The following C16orf74 variants were observed in gnomAD, a reference collection of about 807,000 sequenced individuals.
C16orf74 encodes calcimembrin.
Under a neutral mutation model 6.5 loss-of-function variants are expected in C16orf74, and 10 were observed. The observed-to-expected ratio is 1.54, with a 90% CI of 0.95 to 2.61. The LOEUF (loss-of-function observed/expected upper bound fraction) is 2.61. C16orf74 is among the 30% of genes most tolerant of loss of function. The pLI is 0.00. For synonymous variants in C16orf74, 60 were observed against 42.5 expected (o/e 1.41, Z -1.60); for missense variants, 141 against 105.9 (o/e 1.33, Z -1.45).
intron 2 of C16orf74, among the ~76,000 whole-genome samples, chr16:85,712,830 A>G (rs1201894062): frequency 6.6e-6 from 1 of 152,176 alleles, no homozygotes; most frequent in Admixed American, 6.5e-5. Context: ...CCCTTGGAAT[A>G]TCTTGCCTGA....
intron 1 of C16orf74, among the ~76,000 whole-genome samples, chr16:85,737,635 G>A (rs2054259013): frequency 6.6e-6 from 1 of 152,186 alleles, no homozygotes; most frequent in South Asian, 2.1e-4. Flanking sequence ...TTCGAGAGCA[G>A]CCTGGCCAAC....
chr16:85,717,514 G>A (rs975000787), intron 2 of C16orf74, among the ~76,000 whole-genome samples: 1 of 152,236 alleles, frequency 6.6e-6, no homozygotes, highest in Non-Finnish European at 1.5e-5. Context: ...GGAAGTGCCA[G>A]GTGTGGGGTG....
chr16:85,748,044 C>G (rs1475544447), intron 1 of C16orf74, among the ~76,000 whole-genome samples: 1 of 126,698 alleles, frequency 7.9e-6, no homozygotes, highest in African/African-American at 2.5e-5. Context: ...TGGTATTGCA[C>G]CACTGCACTC....
intron 1 of C16orf74, chr16:85,741,525 C>A: frequency 5.9e-6 from 1 of 168,258 alleles, no homozygotes; most frequent in African/African-American, 2.4e-5. Flanking sequence ...AGGGTGGTCA[C>A]GTCCACATAT....
In C16orf74 at chr16:85,744,992, T is replaced by C. The variant is rs534289189; in HGVS notation, c.-19+5934A>G. ...GCCCATCTCTACTAAAAATACAAAATTAGCCAGGCATTGTGGCGCACGCCT... is the reference window on the plus strand; with the variant it reads ...GCCCATCTCTACTAAAAATACAAAACTAGCCAGGCATTGTGGCGCACGCCT... On this transcript the variant is annotated intron_variant, in intron 1 of 3. Coordinates refer to ENST00000284245, the MANE Select transcript of C16orf74 (RefSeq NM_206967.3). 2.0e-5 allele frequency among the ~76,000 whole-genome samples: 3 copies of C among 151,096 alleles called. No homozygotes were observed. The South Asian group carries it at 6.3e-4, about 32-fold the overall frequency.
intron 2 of C16orf74, among the ~76,000 whole-genome samples, chr16:85,734,489 C>T (rs1005440758): frequency 1.3e-5 from 2 of 151,958 alleles, no homozygotes; most frequent in African/African-American, 4.8e-5. Context: ...AAGCTTGGCA[C>T]TCACACCACT....
chr16:85,740,653 C>T (rs2054295382), intron 1 of C16orf74, among the ~76,000 whole-genome samples: 1 of 148,596 alleles, frequency 6.7e-6, no homozygotes, highest in Admixed American at 6.8e-5. Context: ...GATCGTGCCA[C>T]TGCACTCCAG....
intron 3 of C16orf74, 115 bp downstream of exon 3, chr16:85,710,049 C>T (rs2053952694): frequency 1.2e-6 from 1 of 857,468 alleles, no homozygotes; most frequent in Non-Finnish European, 1.6e-6. Flanking sequence ...TTAACGAACC[C>T]AGTGGGAGGT....
chr16:85,721,551 T>A (rs544328431), intron 2 of C16orf74, among the ~76,000 whole-genome samples: 4 of 152,248 alleles, frequency 2.6e-5, no homozygotes, highest in Non-Finnish European at 5.9e-5. Flanking sequence ...GACATGCTTC[T>A]ACTTGACAGT....
intron 1 of C16orf74, 90 bp from the exon 2 acceptor site, chr16:85,735,325 G>A: frequency 1.2e-6 from 1 of 862,074 alleles, no homozygotes; most frequent in Non-Finnish European, 1.7e-6. Context: ...TGGCCCTGAT[G>A]AGTGCAAAAC....
At chr16:85,712,376 A>G (rs2053978898) in intron 2 of C16orf74, among the ~76,000 whole-genome samples, 1 of 152,244 alleles carries the variant, frequency 6.6e-6, no homozygotes. Context: ...ATGCAGTGAT[A>G]GATTACTGAC....
At chr16:85,745,560 G>T (rs921189091) in intron 1 of C16orf74, among the ~76,000 whole-genome samples, 3 of 151,998 alleles carry the variant, frequency 2.0e-5, no homozygotes, top group African/African-American at 7.2e-5. Flanking sequence ...CTGGCTGGAG[G>T]GACCCTGCTT....
At chr16:85,742,250 G>C (rs1350721431) in intron 1 of C16orf74, among the ~76,000 whole-genome samples, 1 of 152,178 alleles carries the variant, frequency 6.6e-6, no homozygotes, top group Non-Finnish European at 1.5e-5. Flanking sequence ...GTGCATGCCT[G>C]TAATCCCAGT....
chr16:85,710,701 C>G (rs1331271692), intron 2 of C16orf74: 1 of 174,110 alleles, frequency 5.7e-6, no homozygotes, highest in Non-Finnish European at 1.2e-5. Context: ...TCCCTAGGCT[C>G]CTGGGGCCCC....
In C16orf74 at chr16:85,735,221, G is replaced by A. The variant is rs376183802; in HGVS notation, c.-4C>T. On this transcript the variant is annotated 5_prime_UTR_variant, in exon 2 of 4. Transcript: ENST00000284245. ...GGCAGGACATCTTAAGCCCCATGTC[G>A]GCACCTCTGCAGGCCTGTGGAGAGA... is the stretch of plus-strand genomic sequence containing the variant. 17 of 1,597,708 alleles carry A rather than the reference G, an allele frequency of 1.1e-5. No homozygotes were observed. The highest frequency in any genetic ancestry group is 3.4e-5 in the South Asian group (3 of 88,882).
chr16:85,734,920 G>A (rs1175256812), intron 2 of C16orf74, among the ~76,000 whole-genome samples: 1 of 152,176 alleles, frequency 6.6e-6, no homozygotes, highest in Non-Finnish European at 1.5e-5. Context: ...ACTCTCCACA[G>A]CCTGGGATTA....
chr16:85,746,663 G>A (rs1672283651), intron 1 of C16orf74, among the ~76,000 whole-genome samples: 1 of 152,178 alleles, frequency 6.6e-6, no homozygotes. Context: ...GCTGAAGAAT[G>A]TGACTGTTTG....
chr16:85,725,807 T>C (rs7191250), intron 2 of C16orf74, among the ~76,000 whole-genome samples: 3,714 of 152,288 alleles, frequency 0.024, 151 homozygotes, highest in African/African-American at 0.084. Flanking sequence ...TTTCACCACG[T>C]TGCCCAGACT....
Position 85,748,942 on chromosome 16 carries a change from T to A in C16orf74, c.-19+1984A>T, listed in dbSNP as rs301146. Among the ~76,000 whole-genome samples, 240 of 130,402 alleles carry A rather than the reference T, an allele frequency of 1.8e-3. 4 individuals are homozygous for A. Among genetic ancestry groups the A allele is most frequent in the East Asian group, 0.015 (77 of 4,978 alleles). The allele number at this position is 130,402 out of a possible 152,430, so 85.5% of individuals were successfully genotyped here. On this transcript the variant is annotated intron_variant, in intron 1 of 3. Coordinates refer to ENST00000284245, the MANE Select transcript of C16orf74 (RefSeq NM_206967.3). ...AGGCTTTGATTTTTTTTTTTTTTTT[T>A]TTTTTATTTTATTTTTTTTTAGAGA...
Sources: allele counts gnomAD v4.1 joint callset (sites outside exome capture counted in the v4.1 genomes callset), GRCh38; gene constraint gnomAD v4.1.1; transcripts MANE v1.5; gene names NCBI Gene and HGNC (gene_info 2026-07-23, HGNC 2026-07-21).